PDS5A: variants seen among roughly 807,000 people sequenced by gnomAD.
The protein encoded by PDS5A is PDS5 cohesin associated factor A.
PDS5A carries 42 observed loss-of-function variants against 167.1 expected under a neutral mutation model. The ratio of observed to expected loss-of-function variants is 0.25; its 90% CI spans 0.20 to 0.33. The LOEUF is 0.33. Among genes scored for constraint, PDS5A ranks in the 10% least tolerant of loss-of-function variants. PDS5A has a pLI of 1.00. For missense variants in PDS5A, 1,033 were observed against 1,605.9 expected (o/e 0.64, Z 6.10); for synonymous variants, 553 against 554.6 (o/e 1.00, Z 0.04).
intron 16 of PDS5A, among the ~76,000 whole-genome samples, chr4:39,895,946 G>T (rs956621656): frequency 1.3e-5 from 2 of 150,694 alleles, no homozygotes; most frequent in Non-Finnish European, 2.9e-5. Context: ...GGATGGTCTC[G>T]ATCTCCCGAC....
intron 2 of PDS5A, among the ~76,000 whole-genome samples, chr4:39,972,526 T>A (rs1011437625): frequency 2.0e-5 from 3 of 151,754 alleles, no homozygotes; most frequent in African/African-American, 4.8e-5. Context: ...TCTCAAAAAA[T>A]AAATAAATAA....
intron 32 of PDS5A, 60 bp from the exon 33 acceptor site, chr4:39,825,548 G>T: frequency 8.1e-7 from 1 of 1,233,900 alleles, no homozygotes; most frequent in Non-Finnish European, 1.1e-6. Flanking sequence ...TAAACCAAAC[G>T]AAAATGATTT....
At chr4:39,849,438 C>CA (rs33909953) in intron 27 of PDS5A, 82 bp downstream of exon 27, 122,978 of 478,802 alleles carry the variant, frequency 0.26, 6,908 homozygotes, top group Non-Finnish European at 0.28. Context: ...TACGTATGGC[C>CA]AAAAAAAAAA....
intron 9 of PDS5A, among the ~76,000 whole-genome samples, chr4:39,912,760 T>C (rs1200306484): frequency 6.6e-6 from 1 of 152,192 alleles, no homozygotes; most frequent in African/African-American, 2.4e-5. Flanking sequence ...TTTAATGAAT[T>C]TCATAAATTT....
rs922596404 is a variant in PDS5A at position 39,920,302 on chromosome 4, T to C, written c.735+17A>G. On this transcript the variant is annotated intron_variant, in intron 7 of 32. Coordinates refer to ENST00000303538, the MANE Select transcript of PDS5A (RefSeq NM_001100399.2). ...AGAATTACAAAATATAGAATAAACATAGAAAGAAATACATACATTAGCAAT... is the reference window on the plus strand; with the variant it reads ...AGAATTACAAAATATAGAATAAACACAGAAAGAAATACATACATTAGCAAT... 6.5e-5 allele frequency: 71 copies of C among 1,097,134 alleles called. No homozygotes were observed. The highest frequency in any genetic ancestry group is 3.6e-4 in the Admixed American group (16 of 45,028). 68.0% of individuals were successfully genotyped at this position (1,097,134 alleles called of 1,614,324 possible).
intron 2 of PDS5A, among the ~76,000 whole-genome samples, chr4:39,967,529 C>G (rs1262661213): frequency 1.3e-5 from 2 of 151,372 alleles, no homozygotes; most frequent in African/African-American, 4.9e-5. Context: ...CGCCTGTGAC[C>G]CCAGCTACTC....
intron 16 of PDS5A, among the ~76,000 whole-genome samples, chr4:39,893,966 C>T (rs954061424): frequency 1.2e-4 from 18 of 152,304 alleles, no homozygotes; most frequent in African/African-American, 3.6e-4. Flanking sequence ...AGTGAGCCAC[C>T]GCGCCCAGCC....
At chr4:39,884,550 T>C (rs1304543375) in intron 17 of PDS5A, among the ~76,000 whole-genome samples, 2 of 152,232 alleles carry the variant, frequency 1.3e-5, no homozygotes, top group Admixed American at 1.3e-4. Context: ...GAAACTGCTC[T>C]GTTCATTGTG....
chr4:39,917,110 G>C lies in PDS5A; in HGVS notation c.814C>G (p.Leu272Val). Residue 272 changes from leucine to valine, a missense_variant, in exon 8 of 33, where the codon CTT becomes GTT. By Grantham distance (32) the Leu-to-Val change is conservative (BLOSUM62 1). Coordinates refer to ENST00000303538, the MANE Select transcript of PDS5A (RefSeq NM_001100399.2). The stretch of plus-strand genomic sequence containing the variant: ...AATAAATGAGGATCTATAGCAAAAA[G>C]TTCCTGAATCAGATCAAATACATGT... ...SEHVFDLIQE[L>V]FAIDPHLLLS... The C allele has an allele frequency of 6.4e-7, 1 of 1,562,968 alleles. No individual in the cohort carries two copies. Among genetic ancestry groups the C allele is most frequent in the South Asian group, 1.2e-5 (1 of 82,324 alleles).
chr4:39,848,314 G>A (rs1297249064), intron 28 of PDS5A: 2 of 153,362 alleles, frequency 1.3e-5, no homozygotes, highest in Non-Finnish European at 2.9e-5. Context: ...CAGAGCCTGC[G>A]TTACCTGAAA....
intron 16 of PDS5A, among the ~76,000 whole-genome samples, chr4:39,890,978 T>C (rs1231070505): frequency 6.6e-6 from 1 of 152,104 alleles, no homozygotes; most frequent in Non-Finnish European, 1.5e-5. Flanking sequence ...TTTATGGGTA[T>C]GCTTTATTGG....
intron 2 of PDS5A, among the ~76,000 whole-genome samples, chr4:39,960,156 A>G (rs1729344632): frequency 6.6e-6 from 1 of 151,866 alleles, no homozygotes; most frequent in South Asian, 2.1e-4. Context: ...TGTAATCCCA[A>G]CTACTCGGGA....
chr4:39,946,999 G>A (rs761896985), intron 2 of PDS5A, among the ~76,000 whole-genome samples: 3 of 152,004 alleles, frequency 2.0e-5, no homozygotes, highest in Non-Finnish European at 2.9e-5. Context: ...CCAGCACTGT[G>A]AGGGGATGAG....
intron 2 of PDS5A, among the ~76,000 whole-genome samples, chr4:39,968,727 C>A (rs1335495499): frequency 6.7e-6 from 1 of 150,274 alleles, no homozygotes; most frequent in Non-Finnish European, 1.5e-5. Flanking sequence ...CCACTGTGCC[C>A]GGCCTGTAAT....
intron 7 of PDS5A, among the ~76,000 whole-genome samples, chr4:39,918,458 T>C (rs1312483051): frequency 6.6e-6 from 1 of 152,084 alleles, no homozygotes; most frequent in African/African-American, 2.4e-5. Flanking sequence ...TGCAGAAGAA[T>C]TAAATTTTTA....
intron 17 of PDS5A, among the ~76,000 whole-genome samples, chr4:39,881,532 G>A (rs932513898): frequency 1.3e-5 from 2 of 151,776 alleles, no homozygotes; most frequent in African/African-American, 4.8e-5. Flanking sequence ...TGCTGTATAT[G>A]TGTATAAACA....
At position 39,824,934 on chromosome 4, in the gene PDS5A, G is replaced by A. The variant is rs1715158535; in HGVS notation, c.*551C>T. The A allele has an allele frequency of 6.6e-6, 1 of 152,560 alleles. No individual in the cohort carries two copies. The highest frequency in any genetic ancestry group is 1.5e-5 in the Non-Finnish European group (1 of 68,024). 9.5% of individuals were successfully genotyped at this position (152,560 alleles called of 1,614,324 possible). On this transcript the variant is annotated 3_prime_UTR_variant, in exon 33 of 33. Transcript: ENST00000303538. ...ACATCTCATTTTTGCAGAAAAGTAG[G>A]CAGGCAGAAAGAATTATACATAAAA...
chr4:39,832,934 T>C (rs2109471539), intron 32 of PDS5A, among the ~76,000 whole-genome samples: 1 of 151,720 alleles, frequency 6.6e-6, no homozygotes, highest in African/African-American at 2.4e-5. Context: ...GGTGGGTGGA[T>C]CACCTGAGGT....
At chr4:39,870,769 T>C (rs1352123519) in intron 21 of PDS5A, among the ~76,000 whole-genome samples, 1 of 152,076 alleles carries the variant, frequency 6.6e-6, no homozygotes, top group South Asian at 2.1e-4. Context: ...TATCCACTAG[T>C]ATGGCTGTTG....
Sources: gnomAD v4.1 joint callset for allele counts (sites outside exome capture counted in the v4.1 genomes callset) on GRCh38, gnomAD v4.1.1 for gene constraint, MANE v1.5 for transcripts, NCBI Gene and HGNC (gene_info 2026-07-23, HGNC 2026-07-21) for gene names.